The following LAMP1 variants were observed in gnomAD, a reference collection of about 807,000 sequenced individuals.
LAMP1 encodes the protein lysosome-associated membrane glycoprotein 1.
In LAMP1, 7 loss-of-function variants were observed where a neutral mutation model predicts 37.5. The observed-to-expected ratio is 0.19, with a 90% confidence interval of 0.11 to 0.35. The LOEUF (loss-of-function observed/expected upper bound fraction) is 0.35, where lower values mean the gene tolerates loss of function less well. LAMP1 is among the 10% of genes least tolerant of loss of function. The probability of loss-of-function intolerance (pLI) is 1.00; values close to 1 mark genes in which losing one functional copy is unlikely to be tolerated. For missense variants in LAMP1, 537 were observed against 552.8 expected, an observed-to-expected ratio of 0.97 and a Z score of 0.29; for synonymous variants, 236 against 229.1, an observed-to-expected ratio of 1.03 and a Z score of -0.27.
intron 2 of LAMP1, among the ~76,000 whole-genome samples, chr13:113,307,470 G>A (rs926592376): frequency 3.9e-5 from 6 of 152,092 alleles, no homozygotes; most frequent in East Asian, 1.9e-4. Flanking sequence ...AGTTTTCTTC[G>A]TGATTGTCTT....
chr13:113,306,445 GAC>G, intron 1 of LAMP1, 38 bp from the exon 2 acceptor site: 1 of 1,600,470 alleles, frequency 6.2e-7, no homozygotes, highest in Non-Finnish European at 8.5e-7. Context: ...GTATTTTCTG[GAC>G]AGTTTTTGAT....
intron 4 of LAMP1, among the ~76,000 whole-genome samples, chr13:113,313,974 T>G (rs1595461345): frequency 4.0e-5 from 4 of 100,474 alleles, no homozygotes; most frequent in East Asian, 3.3e-4. Context: ...GCCTGGGGCG[T>G]GGCCTCCTGG....
rs985101210 is a variant in LAMP1 at position 113,321,578 on chromosome 13, A to G, written c.965A>G (p.Asn322Ser). Residue 322 changes from asparagine to serine, a missense_variant, in exon 8 of 9, where the codon AAC becomes AGC. Physicochemically the swap from Asn to Ser is conservative, Grantham distance 46 (BLOSUM62 1). Transcript: ENST00000332556. The surrounding 1 kb of genome is among the most constrained non-coding windows in gnomAD (Gnocchi z 5.6). ...GCAGACCCTGCCTTTAAAGCTGCCA[A>G]CGGCTCCCTGCGAGCGCTGCAGGCC... ...DARDPAFKAA[N>S]GSLRALQATV... The G allele has an allele frequency of 1.2e-5, 19 of 1,613,928 alleles. No homozygotes were observed. Among genetic ancestry groups the G allele is most frequent in the African/African-American group, 4.0e-5 (3 of 74,914 alleles).
intron 4 of LAMP1, among the ~76,000 whole-genome samples, chr13:113,313,768 G>T (rs1239747330): frequency 1.7e-5 from 2 of 115,402 alleles, no homozygotes; most frequent in Non-Finnish European, 3.5e-5. Flanking sequence ...GGAGATGCCC[G>T]TGTGCCTGGG....
Position 113,319,674 on chromosome 13 carries a change from C to T in LAMP1, c.750+18C>T, listed in dbSNP as rs926829981. ...ACAACACGGTAGGGCTGGGGCCTCACCTGGGAGAGGGGGACGGCACGGTAG... is the reference window on the plus strand; with the variant it reads ...ACAACACGGTAGGGCTGGGGCCTCATCTGGGAGAGGGGGACGGCACGGTAG... On this transcript the variant is annotated intron_variant, in intron 5 of 8. Transcript: ENST00000332556. 1 of 1,603,370 alleles carries T rather than the reference C, an allele frequency of 6.2e-7. No homozygotes were observed. Among genetic ancestry groups the T allele is most frequent in the African/African-American group, 1.3e-5 (1 of 74,814 alleles).
chr13:113,308,442 T>C (rs2042612011), intron 2 of LAMP1, among the ~76,000 whole-genome samples: 1 of 150,812 alleles, frequency 6.6e-6, no homozygotes, highest in Non-Finnish European at 1.5e-5. Context: ...AAGCAATTCT[T>C]CTGCCTCAGC....
Position 113,321,745 on chromosome 13 carries a change from C to T in LAMP1, c.1114+18C>T. 6.2e-7 allele frequency: 1 copy of T among 1,612,068 alleles called. No individual in the cohort carries two copies. On this transcript the variant is annotated intron_variant, in intron 8 of 8. Transcript: ENST00000332556. This position sits in a 1 kb window ranked among gnomAD's most constrained non-coding sequence, Gnocchi z 5.6. ...TGGCTCTGGTGAGTGTCACCGAGGG[C>T]AGCTGTCGCGGGGTGTGGAGGACGT...
chr13:113,311,030 A>G (rs1384649461), intron 4 of LAMP1, among the ~76,000 whole-genome samples, 163 bp downstream of exon 4: 10 of 152,098 alleles, frequency 6.6e-5, no homozygotes, highest in Non-Finnish European at 1.2e-4. Context: ...CCTTCTTCCT[A>G]GGGCAGGTGA....
intron 1 of LAMP1, among the ~76,000 whole-genome samples, chr13:113,301,937 A>G (rs1192531128): frequency 7.4e-6 from 1 of 134,256 alleles, no homozygotes; most frequent in Admixed American, 8.8e-5. Context: ...ATCTCGGCTC[A>G]CTGCAAGCTC....
chr13:113,300,612 C>T (rs1470787224), intron 1 of LAMP1, among the ~76,000 whole-genome samples: 1 of 152,062 alleles, frequency 6.6e-6, no homozygotes, highest in African/African-American at 2.4e-5. Flanking sequence ...CGAGACCATC[C>T]TGGCCACAAC....
At chr13:113,312,702 G>A (rs530280669) in intron 4 of LAMP1, among the ~76,000 whole-genome samples, 9 of 152,330 alleles carry the variant, frequency 5.9e-5, no homozygotes, top group Non-Finnish European at 1.0e-4. Flanking sequence ...CTGTTCACAC[G>A]GAGCCTGGAG....
At chr13:113,304,480 G>A (rs2042588725) in intron 1 of LAMP1, among the ~76,000 whole-genome samples, 2 of 152,152 alleles carry the variant, frequency 1.3e-5, no homozygotes, top group South Asian at 4.1e-4. Flanking sequence ...CCTTTACTAT[G>A]TCAAAAATAA....
At chr13:113,299,728 C>G (rs2042561003) in intron 1 of LAMP1, among the ~76,000 whole-genome samples, 1 of 151,820 alleles carries the variant, frequency 6.6e-6, no homozygotes, top group South Asian at 2.1e-4. Flanking sequence ...GCCACCATGC[C>G]TGGCTAATTT....
chr13:113,306,653 G>T, intron 2 of LAMP1, 47 bp downstream of exon 2: 1 of 1,581,418 alleles, frequency 6.3e-7, no homozygotes, highest in Non-Finnish European at 8.6e-7. Flanking sequence ...TGTGTGGAAA[G>T]ATGATTTTTA....
At position 113,321,554 on chromosome 13, in the gene LAMP1, C is replaced by T. The variant is rs776346617; in HGVS notation, c.944-3C>T. 6.2e-7 allele frequency: 1 copy of T among 1,613,874 alleles called. No individual in the cohort carries two copies. Among genetic ancestry groups the T allele is most frequent in the South Asian group, 1.1e-5 (1 of 91,080 alleles). On this transcript the variant is annotated splice_region_variant and splice_polypyrimidine_tract_variant and intron_variant, in intron 7 of 8. Coordinates refer to ENST00000332556, the MANE Select transcript of LAMP1 (RefSeq NM_005561.4). This position sits in a 1 kb window ranked among gnomAD's most constrained non-coding sequence, Gnocchi z 5.6. ...AGCCACTAGACCTCTGTGTGTGTTG[C>T]AGACCCTGCCTTTAAAGCTGCCAAC...
In LAMP1 at chr13:113,309,862, G is replaced by A; in HGVS notation, c.403G>A (p.Glu135Lys). 4 of 1,610,890 alleles carry A rather than the reference G, an allele frequency of 2.5e-6. No homozygotes were observed. The highest frequency in any genetic ancestry group is 3.4e-6 in the Non-Finnish European group (4 of 1,178,514). ...CCTTTTCCCCAATGCGAGCTCCAAA[G>A]GTAAGAACCAAAATGGGCCGATTAT... ...THLFPNASSK[E>K]IKTVESITDI... The change falls in exon 3 of 9, where the codon GAA becomes AAA. Residue 135 changes from glutamate to lysine, a missense_variant and splice_region_variant. Coordinates refer to ENST00000332556, the MANE Select transcript of LAMP1 (RefSeq NM_005561.4).
Position 113,320,514 on chromosome 13 carries a change from C to T in LAMP1, c.876+44C>T, listed in dbSNP as rs757194905. 2 of 1,586,690 alleles carry T rather than the reference C, an allele frequency of 1.3e-6. No homozygotes were observed. Among genetic ancestry groups the T allele is most frequent in the African/African-American group, 2.7e-5 (2 of 74,474 alleles). On this transcript the variant is annotated intron_variant, in intron 6 of 8. Coordinates refer to ENST00000332556, the MANE Select transcript of LAMP1 (RefSeq NM_005561.4). This position sits in a 1 kb window ranked among gnomAD's most constrained non-coding sequence, Gnocchi z 4.4. ...CTCTCTGGGGGCGCCCACTGTGTCT[C>T]CACCACATCTTTTTGTGCCCTGGGT...
At chr13:113,305,055 G>A (rs985427101) in intron 1 of LAMP1, 6 of 152,246 alleles carry the variant, frequency 3.9e-5, no homozygotes, top group Non-Finnish European at 8.8e-5. Flanking sequence ...TAGGCTTGAA[G>A]AACAGTTGCT....
intron 4 of LAMP1, among the ~76,000 whole-genome samples, chr13:113,316,710 C>T (rs552628603): frequency 1.9e-4 from 29 of 152,040 alleles, no homozygotes; most frequent in Non-Finnish European, 3.4e-4. Flanking sequence ...CGTGAGCCAC[C>T]GTGCCCAGCT....
Sources: allele counts gnomAD v4.1 joint callset (sites outside exome capture counted in the v4.1 genomes callset), GRCh38; gene constraint gnomAD v4.1.1; non-coding constraint Gnocchi (gnomAD v3.1); transcripts MANE v1.5; gene names NCBI Gene and HGNC (gene_info 2026-07-23, HGNC 2026-07-21).